ZNF595: variants seen among roughly 807,000 people sequenced by gnomAD.
ZNF595 encodes zinc finger protein 595.
A neutral mutation model predicts 19.4 loss-of-function variants in ZNF595; 9 were observed. That is an observed-to-expected ratio of 0.46 (90% CI 0.28 to 0.81). The LOEUF (loss-of-function observed/expected upper bound fraction) is 0.81. Ranked by LOEUF, ZNF595 falls within the 30% of genes least tolerant of loss-of-function variation. The probability of loss-of-function intolerance (pLI) is 0.11; values close to 1 mark genes in which losing one functional copy is unlikely to be tolerated. For missense variants in ZNF595, 729 were observed against 736.0 expected (o/e 0.99, Z 0.11); for synonymous variants, 255 against 255.9 (o/e 1.00, Z 0.03).
chr4:86,526 C>T lies in ZNF595; in HGVS notation c.1022C>T (p.Thr341Ile). Residue 341 changes from threonine (T) to isoleucine (I), a missense_variant, in exon 4 of 4, where the codon ACA (threonine) becomes ATA (isoleucine). Thr to Ile is a moderately conservative substitution (Grantham distance 89, BLOSUM62 -1). This residue lies in a region of ZNF595 where 729 missense variants were observed against 675.3 expected (regional missense o/e 1.08). Coordinates refer to ENST00000610261, the MANE Select transcript of ZNF595 (RefSeq NM_182524.4). ...KNIHTGEKPY[T>I]CEKCGKAFNQ... Reference sequence around the variant, plus strand: ...ATTCATACTGGCGAAAAACCCTACACATGTGAAAAATGTGGCAAAGCTTTT... The same window carrying T: ...ATTCATACTGGCGAAAAACCCTACATATGTGAAAAATGTGGCAAAGCTTTT... 3 of 1,613,620 alleles carry T rather than the reference C, an allele frequency of 1.9e-6. No individual in the cohort carries two copies. Among genetic ancestry groups the T allele is most frequent in the Non-Finnish European group, 2.5e-6 (3 of 1,179,810 alleles).
At chr4:70,800 T>C (rs1417436768) in intron 3 of ZNF595, among the ~76,000 whole-genome samples, 1 of 152,232 alleles carries the variant, frequency 6.6e-6, no homozygotes, top group African/African-American at 2.4e-5. Flanking sequence ...CTCCAGTTTC[T>C]TTTTTCTTAC....
chr4:81,277 A>T (rs1713897230), intron 3 of ZNF595, among the ~76,000 whole-genome samples: 1 of 152,220 alleles, frequency 6.6e-6, no homozygotes, highest in Non-Finnish European at 1.5e-5. Flanking sequence ...AATCAAATAT[A>T]GGTCAGTGAT....
rs1298623025 is a variant in ZNF595, at chr4:75,812, TG to T, written c.227-9918del. ...ACAGATTTTTGGGGGGTTTTTTGGT[TG>T]TTTTTTTTTTTTTAGAATTTCCAAG... On this transcript the variant is annotated intron_variant, in intron 3 of 3. Transcript: ENST00000610261. 4.6e-5 allele frequency among the ~76,000 whole-genome samples: 7 copies of T among 151,080 alleles called. No individual in the cohort carries two copies. The East Asian group carries it at 7.8e-4, about 17-fold the overall frequency.
At chr4:69,599 T>A (rs181205087) in intron 3 of ZNF595, among the ~76,000 whole-genome samples, 1 of 152,332 alleles carries the variant, frequency 6.6e-6, no homozygotes, top group East Asian at 1.9e-4. Flanking sequence ...TTTGATCTTA[T>A]CCTATAGAGC....
intron 3 of ZNF595, among the ~76,000 whole-genome samples, chr4:69,917 C>T (rs1421677791): frequency 5.9e-5 from 9 of 152,062 alleles, no homozygotes; most frequent in Non-Finnish European, 1.5e-5. Context: ...GGGGTCTGCC[C>T]ACAGACCGTG....
At chr4:84,657 A>G (rs1244108037) in intron 3 of ZNF595, among the ~76,000 whole-genome samples, 1 of 152,204 alleles carries the variant, frequency 6.6e-6, no homozygotes, top group Non-Finnish European at 1.5e-5. Flanking sequence ...CTTTGCTTAT[A>G]TAAATCTCTG....
intron 3 of ZNF595, among the ~76,000 whole-genome samples, chr4:75,371 G>C (rs1201753568): frequency 6.6e-6 from 1 of 152,200 alleles, no homozygotes; most frequent in Non-Finnish European, 1.5e-5. Context: ...CTGAAGGCTT[G>C]AGGATGACAG....
chr4:81,581 T>G (rs1713910591), intron 3 of ZNF595, among the ~76,000 whole-genome samples: 1 of 152,228 alleles, frequency 6.6e-6, no homozygotes, highest in Admixed American at 6.5e-5. Context: ...TTAAATATTT[T>G]TAAATATTCA....
In ZNF595 at chr4:86,845, T is replaced by C; in HGVS notation, c.1341T>C (p.Ser447=). ...TTATATTACACAAGAGAATCCATTC[T>C]GGGCAAAAACCTTACAAATGTGAAG... is the stretch of plus-strand genomic sequence containing the variant. ...STLILHKRIH[S]GQKPYKCEEC... Residue 447 remains serine (S), a synonymous_variant, in exon 4 of 4, where the codon TCT becomes TCC. Transcript: ENST00000610261. 5 of 1,613,940 alleles carry C rather than the reference T, an allele frequency of 3.1e-6. No individual in the cohort carries two copies. Among genetic ancestry groups the C allele is most frequent in the Non-Finnish European group, 4.2e-6 (5 of 1,179,890 alleles).
intron 3 of ZNF595, among the ~76,000 whole-genome samples, chr4:69,639 TC>T (rs1713346795): frequency 6.6e-6 from 1 of 152,204 alleles, no homozygotes; most frequent in African/African-American, 2.4e-5. Context: ...TTCTGGTTGT[TC>T]CTTTTCTGAT....
intron 3 of ZNF595, 110 bp from the exon 4 acceptor site, chr4:85,621 G>A (rs192479718): frequency 7.9e-7 from 1 of 1,269,314 alleles, no homozygotes. Context: ...GTGATATTTT[G>A]TTATGCTATC....
chr4:70,968 T>G (rs781790802), intron 3 of ZNF595, among the ~76,000 whole-genome samples: 3 of 152,240 alleles, frequency 2.0e-5, no homozygotes, highest in Non-Finnish European at 4.4e-5. Flanking sequence ...ATTGATTCTT[T>G]TTATTCATGA....
intron 3 of ZNF595, among the ~76,000 whole-genome samples, chr4:74,179 G>GC (rs1560088877): frequency 2.6e-5 from 4 of 151,420 alleles, no homozygotes; most frequent in Admixed American, 1.3e-4. Context: ...GCAAGGTGGT[G>GC]CATACCTGTA....
intron 3 of ZNF595, among the ~76,000 whole-genome samples, chr4:74,650 G>T (rs10001277): frequency 0.014 from 2,197 of 152,238 alleles, 53 homozygotes; most frequent in African/African-American, 0.05. Context: ...ACATTGATTC[G>T]GTCTGGAAAG....
At chr4:68,357 T>C (rs1713273034) in intron 3 of ZNF595, 1 of 152,154 alleles carries the variant, frequency 6.6e-6, no homozygotes, top group Non-Finnish European at 1.5e-5. Flanking sequence ...AAGCATAGAG[T>C]TGGGAGTTTC....
chr4:87,165 A>G lies in ZNF595; in HGVS notation c.1661A>G (p.His554Arg), dbSNP rs374669706. The change falls in exon 4 of 4, where the codon CAT (histidine) becomes CGT (arginine). Residue 554 changes from histidine to arginine, a missense_variant. Around this residue, in one of 2 missense-constraint regions of ZNF595, gnomAD observed 729 missense variants for 675.3 expected, o/e 1.08. Transcript: ENST00000610261. Reference protein sequence around the residue: ...AFTRSTALNEHKKIHSGEKPY... With the variant: ...AFTRSTALNERKKIHSGEKPY... ...ACTCGGTCCACAGCCCTGAATGAACATAAGAAAATTCATTCTGGAGAGAAA... is the reference window on the plus strand; with the variant it reads ...ACTCGGTCCACAGCCCTGAATGAACGTAAGAAAATTCATTCTGGAGAGAAA... 1.9e-6 allele frequency: 3 copies of G among 1,614,118 alleles called. No homozygotes were observed. The highest frequency in any genetic ancestry group is 2.5e-6 in the Non-Finnish European group (3 of 1,179,956).
chr4:69,049 T>G (rs993155408), intron 3 of ZNF595, among the ~76,000 whole-genome samples: 1 of 152,216 alleles, frequency 6.6e-6, no homozygotes, highest in Non-Finnish European at 1.5e-5. Context: ...CATAATGACC[T>G]CTAGTTCTAT....
chr4:82,707 C>A (rs1191953750), intron 3 of ZNF595, among the ~76,000 whole-genome samples: 1 of 151,868 alleles, frequency 6.6e-6, no homozygotes, highest in African/African-American at 2.4e-5. Context: ...TAATTAATTT[C>A]TATTCTCATT....
intron 3 of ZNF595, among the ~76,000 whole-genome samples, chr4:60,908 A>G (rs1581322489): frequency 6.6e-6 from 1 of 152,338 alleles, no homozygotes; most frequent in African/African-American, 2.4e-5. Context: ...AATATAGTTT[A>G]CAGCACAGGT....
Sources: gnomAD v4.1 joint callset for allele counts (sites outside exome capture counted in the v4.1 genomes callset) on GRCh38, gnomAD v4.1.1 for gene constraint, gnomAD v4.1.1 regional missense constraint, MANE v1.5 for transcripts, NCBI Gene and HGNC (gene_info 2026-07-23, HGNC 2026-07-21) for gene names.